Variants in RNF152 observed in about 807,000 individuals in gnomAD.
The protein encoded by RNF152 is E3 ubiquitin-protein ligase RNF152.
In RNF152, 11 loss-of-function variants were observed where a neutral mutation model predicts 12.7. The ratio of observed to expected loss-of-function variants is 0.86; its 90% CI spans 0.54 to 1.43. RNF152 has a LOEUF of 1.43. Ranked by LOEUF, RNF152 falls within the 40% of genes most tolerant of loss-of-function variation. The pLI is 0.00. For missense variants in RNF152, 255 were observed against 274.8 expected (o/e 0.93, Z 0.51); for synonymous variants, 113 against 120.3 (o/e 0.94, Z 0.40).
intron 1 of RNF152, among the ~76,000 whole-genome samples, chr18:61,823,646 G>GCGATGCTGA (rs1279084793): frequency 2.6e-5 from 4 of 152,256 alleles, no homozygotes; most frequent in Non-Finnish European, 4.4e-5. Context: ...AATAGGGCAG[G>GCGATGCTGA]CGATGCTGAC....
intron 1 of RNF152, among the ~76,000 whole-genome samples, chr18:61,833,620 G>A (rs1014899098): frequency 2.0e-5 from 3 of 152,194 alleles, no homozygotes; most frequent in East Asian, 1.9e-4. Flanking sequence ...CACGAGGGCC[G>A]TCTGTTAGTC....
intron 1 of RNF152, among the ~76,000 whole-genome samples, chr18:61,819,139 A>C (rs1437942279): frequency 1.3e-5 from 2 of 152,256 alleles, no homozygotes; most frequent in Non-Finnish European, 1.5e-5. Flanking sequence ...AGCAACTTAC[A>C]GAAGTCTTCT....
intron 1 of RNF152, among the ~76,000 whole-genome samples, chr18:61,878,890 C>T (rs2144752392): frequency 6.6e-6 from 1 of 152,326 alleles, no homozygotes; most frequent in Non-Finnish European, 1.5e-5. Flanking sequence ...TGGAGGGACA[C>T]ATACATTCAA....
intron 1 of RNF152, among the ~76,000 whole-genome samples, chr18:61,852,043 A>G (rs1911008992): frequency 6.6e-6 from 1 of 152,234 alleles, no homozygotes; most frequent in Admixed American, 6.5e-5. Context: ...TCTCAGTGAC[A>G]GGCAGCTCAG....
At chr18:61,828,182 A>G (rs1209173767) in intron 1 of RNF152, among the ~76,000 whole-genome samples, 1 of 152,130 alleles carries the variant, frequency 6.6e-6, no homozygotes, top group Admixed American at 6.5e-5. Context: ...ATCTGCCCCT[A>G]TCTCTGCCAC....
At chr18:61,851,851 A>G (rs895484312) in intron 1 of RNF152, among the ~76,000 whole-genome samples, 2 of 152,240 alleles carry the variant, frequency 1.3e-5, no homozygotes, top group Non-Finnish European at 2.9e-5. Context: ...CAGTACATGA[A>G]TATAATAAAC....
chr18:61,876,074 G>A (rs2144746750), intron 1 of RNF152, among the ~76,000 whole-genome samples: 1 of 152,202 alleles, frequency 6.6e-6, no homozygotes, highest in East Asian at 1.9e-4. Context: ...ACCAGTCCCA[G>A]TCATAAAGCA....
At chr18:61,817,437 C>T (rs144432502) in intron 1 of RNF152, among the ~76,000 whole-genome samples, 10 of 152,264 alleles carry the variant, frequency 6.6e-5, no homozygotes, top group African/African-American at 1.9e-4. Flanking sequence ...CACTTAAGTA[C>T]GAATTTTTTG....
At chr18:61,878,970 C>T (rs1257484913) in intron 1 of RNF152, among the ~76,000 whole-genome samples, 6 of 152,138 alleles carry the variant, frequency 3.9e-5, no homozygotes, top group South Asian at 2.1e-4. Flanking sequence ...AGAATTTTCA[C>T]GCACAGGGTA....
At chr18:61,858,964 ACT>A (rs1911342547) in intron 1 of RNF152, among the ~76,000 whole-genome samples, 1 of 151,992 alleles carries the variant, frequency 6.6e-6, no homozygotes, top group Admixed American at 6.6e-5. Flanking sequence ...ATTTGGGGAA[ACT>A]CCATGTTTCT....
chr18:61,836,815 GA>G (rs1910209165), intron 1 of RNF152, among the ~76,000 whole-genome samples: 2 of 152,080 alleles, frequency 1.3e-5, no homozygotes, highest in Admixed American at 1.3e-4. Context: ...ATAGAAGGGG[GA>G]TTACAATTAA....
At position 61,857,152 on chromosome 18, in the gene RNF152, G is replaced by A. The variant is rs566969185; in HGVS notation, c.-136+35643C>T. ...GTGCTGATAATTCCTACCCTGACTT[G>A]CATTATACGTCAGGGTTCAAGCTCT... On this transcript the variant is annotated intron_variant, in intron 1 of 1. Transcript: ENST00000312828. 8.3e-4 allele frequency among the ~76,000 whole-genome samples: 127 copies of A among 152,254 alleles called. 2 individuals are homozygous for A. The South Asian group carries it at 0.025, about 31-fold the overall frequency.
chr18:61,828,518 G>C (rs1303241029), intron 1 of RNF152, among the ~76,000 whole-genome samples: 6 of 152,108 alleles, frequency 3.9e-5, no homozygotes, highest in Admixed American at 1.3e-4. Flanking sequence ...ACCAACTCAT[G>C]GCCTCAAGTG....
intron 1 of RNF152, among the ~76,000 whole-genome samples, chr18:61,881,411 A>G (rs903522439): frequency 2.6e-5 from 4 of 152,238 alleles, no homozygotes; most frequent in African/African-American, 9.6e-5. Flanking sequence ...TCCAGAACCC[A>G]GAGGACAATG....
At chr18:61,835,631 C>A (rs1910146629) in intron 1 of RNF152, among the ~76,000 whole-genome samples, 1 of 152,078 alleles carries the variant, frequency 6.6e-6, no homozygotes, top group Admixed American at 6.6e-5. Context: ...TAAACAAAAT[C>A]AAACCCTAAA....
chr18:61,890,312 T>C (rs1302729534), intron 1 of RNF152: 19 of 152,208 alleles, frequency 1.2e-4, no homozygotes. Flanking sequence ...AAATATTGAA[T>C]TGTGATTAAA....
chr18:61,880,909 T>C lies in RNF152; in HGVS notation c.-136+11886A>G, dbSNP rs1323511971. On this transcript the variant is annotated intron_variant, in intron 1 of 1. Transcript: ENST00000312828. ...CAAACTGTTGTCTTTCTCTCTCTAG[T>C]TTTCTTTTTTTTTTTTTTTTTGAGA... Among the ~76,000 whole-genome samples, 17 of 142,950 alleles carry C rather than the reference T, an allele frequency of 1.2e-4. 1 individual carries two copies. Among genetic ancestry groups the C allele is most frequent in the Admixed American group, 1.2e-3 (17 of 14,370 alleles). The allele number at this position is 142,950 out of a possible 152,430, so 93.8% of individuals were successfully genotyped here.
At chr18:61,866,333 C>T (rs1164456594) in intron 1 of RNF152, among the ~76,000 whole-genome samples, 1 of 152,192 alleles carries the variant, frequency 6.6e-6, no homozygotes, top group Admixed American at 6.5e-5. Context: ...CTCAGGACAA[C>T]TTGAGGAAGT....
chr18:61,844,153 G>GAAA (rs1910632319), intron 1 of RNF152, among the ~76,000 whole-genome samples: 1 of 94,296 alleles, frequency 1.1e-5, no homozygotes, highest in Non-Finnish European at 2.7e-5. Flanking sequence ...TAAGAGAAAA[G>GAAA]GAAGGAAGGG....
Sources: allele counts gnomAD v4.1 joint callset (sites outside exome capture counted in the v4.1 genomes callset), GRCh38; gene constraint gnomAD v4.1.1; transcripts MANE v1.5; gene names NCBI Gene and HGNC (gene_info 2026-07-23, HGNC 2026-07-21).